Variants in BABAM2 observed in about 807,000 individuals in gnomAD.
BABAM2 encodes the protein BRISC and BRCA1 A complex member 2.
A neutral mutation model predicts 54.7 loss-of-function variants in BABAM2; 31 were observed. The observed-to-expected ratio is 0.57, with a 90% CI of 0.43 to 0.77. The LOEUF (loss-of-function observed/expected upper bound fraction) is 0.77. Among genes scored for constraint, BABAM2 ranks in the 30% least tolerant of loss-of-function variants. The pLI is 0.00. For missense variants in BABAM2, 364 were observed against 455.8 expected, an observed-to-expected ratio of 0.80 and a Z score of 1.83; for synonymous variants, 167 against 162.9, an observed-to-expected ratio of 1.03 and a Z score of -0.19.
intron 3 of BABAM2, among the ~76,000 whole-genome samples, chr2:27,973,482 T>C (rs1185200133): frequency 6.6e-6 from 1 of 152,004 alleles, no homozygotes; most frequent in African/African-American, 2.4e-5. Flanking sequence ...AGGCAAGCTC[T>C]AGTGATGAAA....
chr2:28,194,490 A>T (rs200131005), intron 7 of BABAM2, among the ~76,000 whole-genome samples: 1 of 151,810 alleles, frequency 6.6e-6, no homozygotes, highest in East Asian at 1.9e-4. Flanking sequence ...CTCCAAATAA[A>T]CAGTGACTAT....
chr2:28,282,997 C>A (rs1321924467), intron 10 of BABAM2, among the ~76,000 whole-genome samples: 126 of 71,914 alleles, frequency 1.8e-3, no homozygotes, highest in Non-Finnish European at 2.1e-3. Context: ...GACTCCGTCC[C>A]AAAAAAAAAA....
chr2:28,330,237 G>A (rs1231966320), intron 11 of BABAM2, among the ~76,000 whole-genome samples: 1 of 152,070 alleles, frequency 6.6e-6, no homozygotes, highest in African/African-American at 2.4e-5. Flanking sequence ...TACCGAACAG[G>A]CAAAAGCTGG....
At chr2:28,080,044 A>G (rs1665028333) in intron 6 of BABAM2, among the ~76,000 whole-genome samples, 1 of 152,204 alleles carries the variant, frequency 6.6e-6, no homozygotes. Context: ...AAGAAACTAT[A>G]GGAGCTCACC....
intron 6 of BABAM2, among the ~76,000 whole-genome samples, chr2:28,123,375 G>A (rs983895184): frequency 1.3e-5 from 2 of 152,152 alleles, no homozygotes; most frequent in African/African-American, 2.4e-5. Flanking sequence ...GGGGACAATA[G>A]TCTTCTTTAG....
intron 6 of BABAM2, among the ~76,000 whole-genome samples, chr2:28,055,632 G>T (rs2148629280): frequency 6.6e-6 from 1 of 152,304 alleles, no homozygotes; most frequent in South Asian, 2.1e-4. Context: ...GAAAAAAGAA[G>T]TTACAGGTAG....
intron 3 of BABAM2, among the ~76,000 whole-genome samples, chr2:27,955,942 C>T (rs142316113): frequency 6.6e-6 from 1 of 150,974 alleles, no homozygotes; most frequent in African/African-American, 2.4e-5. Flanking sequence ...AGCAATTTTC[C>T]TCCTTTCTTA....
chr2:28,201,018 A>G (rs1573826069), intron 7 of BABAM2, among the ~76,000 whole-genome samples: 2 of 152,002 alleles, frequency 1.3e-5, no homozygotes, highest in South Asian at 4.2e-4. Flanking sequence ...TGATCCTCCC[A>G]CCTCGGCCTC....
Position 28,213,946 on chromosome 2 carries a change from TA to T in BABAM2, c.681-23242del, listed in dbSNP as rs374210606. ...CCATTACTAGAACTTTAACTTGCTTTAAAAAAAAAAAAAACAGCACTTTTTA... is the reference window on the plus strand; with the variant it reads ...CCATTACTAGAACTTTAACTTGCTTTAAAAAAAAAAAAACAGCACTTTTTA... On this transcript the variant is annotated intron_variant, in intron 7 of 11. Coordinates refer to ENST00000379624, the MANE Select transcript of BABAM2 (RefSeq NM_199191.3). Among the ~76,000 whole-genome samples, 189 of 146,622 alleles carry T rather than the reference TA, an allele frequency of 1.3e-3. 1 individual carries two copies. Among genetic ancestry groups the T allele is most frequent in the African/African-American group, 2.9e-3 (115 of 39,996 alleles).
At chr2:27,927,771 C>G (rs529590759) in intron 2 of BABAM2, among the ~76,000 whole-genome samples, 1 of 151,508 alleles carries the variant, frequency 6.6e-6, no homozygotes, top group African/African-American at 2.4e-5. Flanking sequence ...TTTTTATTGA[C>G]CCCTGAAGAT....
intron 2 of BABAM2, among the ~76,000 whole-genome samples, chr2:27,905,177 A>T (rs182169442): frequency 2.2e-4 from 34 of 152,364 alleles, no homozygotes; most frequent in Admixed American, 1.5e-3. Context: ...CTTTGGAGAA[A>T]AGAAAAATAG....
intron 2 of BABAM2, among the ~76,000 whole-genome samples, chr2:27,907,823 T>G (rs982952251): frequency 6.6e-6 from 1 of 152,224 alleles, no homozygotes; most frequent in Non-Finnish European, 1.5e-5. Flanking sequence ...GCATAATATC[T>G]TCAAGGTTCA....
At chr2:27,968,951 CAG>C (rs1394912776) in intron 3 of BABAM2, among the ~76,000 whole-genome samples, 4 of 152,062 alleles carry the variant, frequency 2.6e-5, no homozygotes, top group Admixed American at 6.5e-5. Context: ...TGGGAGGGGT[CAG>C]GGGTGGAATG....
intron 6 of BABAM2, among the ~76,000 whole-genome samples, chr2:28,105,267 A>G (rs1412653195): frequency 6.6e-6 from 1 of 152,316 alleles, no homozygotes; most frequent in East Asian, 1.9e-4. Flanking sequence ...TTCAATGAGG[A>G]AAAAGGTAGA....
intron 6 of BABAM2, among the ~76,000 whole-genome samples, chr2:28,073,060 C>G (rs1051912378): frequency 1.3e-5 from 2 of 152,206 alleles, no homozygotes; most frequent in African/African-American, 2.4e-5. Context: ...ATTGAGTTCT[C>G]TGGTATTGAG....
intron 6 of BABAM2, among the ~76,000 whole-genome samples, chr2:28,093,975 C>T (rs777529570): frequency 5.3e-5 from 8 of 152,066 alleles, no homozygotes; most frequent in Non-Finnish European, 1.0e-4. Context: ...GAAATGATAA[C>T]CAAATTGTTC....
intron 7 of BABAM2, among the ~76,000 whole-genome samples, chr2:28,221,061 AGGT>A (rs1212220612): frequency 6.6e-6 from 1 of 151,938 alleles, no homozygotes; most frequent in Non-Finnish European, 1.5e-5. Flanking sequence ...CAGTTAACCT[AGGT>A]GTCTCTCCTT....
chr2:27,946,598 C>T (rs1287563129), intron 3 of BABAM2, among the ~76,000 whole-genome samples: 1 of 151,628 alleles, frequency 6.6e-6, no homozygotes, highest in Non-Finnish European at 1.5e-5. Context: ...TTAGAATTCA[C>T]CAATGAAGCC....
intron 2 of BABAM2, among the ~76,000 whole-genome samples, chr2:27,915,540 C>A (rs1236485294): frequency 1.3e-5 from 2 of 152,218 alleles, no homozygotes; most frequent in East Asian, 1.9e-4. Flanking sequence ...GAACGAAATC[C>A]TTTCAAACTA....
Sources: gnomAD v4.1 joint callset for allele counts (sites outside exome capture counted in the v4.1 genomes callset) on GRCh38, gnomAD v4.1.1 for gene constraint, MANE v1.5 for transcripts, NCBI Gene and HGNC (gene_info 2026-07-23, HGNC 2026-07-21) for gene names.